The following VPS13D variants were observed in gnomAD, a reference collection of about 807,000 sequenced individuals.
VPS13D encodes the protein intermembrane lipid transfer protein VPS13D.
VPS13D carries 187 observed loss-of-function variants against 461.9 expected under a neutral mutation model. That is an observed-to-expected ratio of 0.40 (90% CI 0.36 to 0.46). The LOEUF (loss-of-function observed/expected upper bound fraction) is 0.46, where lower values mean the gene tolerates loss of function less well. VPS13D is among the 20% of genes least tolerant of loss of function. The probability of loss-of-function intolerance (pLI) is 0.60; values close to 1 mark genes in which losing one functional copy is unlikely to be tolerated. For synonymous variants in VPS13D, 1,951 were observed against 1,986.3 expected (o/e 0.98, Z 0.47); for missense variants, 4,711 against 5,364.9 (o/e 0.88, Z 3.81).
chr1:12,335,046 A>G (rs1415276947), intron 38 of VPS13D, among the ~76,000 whole-genome samples: 1 of 152,210 alleles, frequency 6.6e-6, no homozygotes, highest in Non-Finnish European at 1.5e-5. Context: ...TTAACCTGCT[A>G]TCCCCATTGT....
In VPS13D at chr1:12,507,842, C is replaced by A. The variant is rs536549596; in HGVS notation, c.13035+749C>A. Among the ~76,000 whole-genome samples the A allele has an allele frequency of 1.1e-4, 17 of 152,384 alleles. No individual in the cohort carries two copies. In the South Asian group the frequency reaches 2.1e-3, roughly 19 times the overall value. ...CGGATCTGTCTCTGGCCAGTCGGCC[C>A]TGGAGGCTTGCCATGACACCCAGGT... is the stretch of plus-strand genomic sequence containing the variant. On this transcript the variant is annotated intron_variant, in intron 69 of 69. Coordinates refer to ENST00000620676, the MANE Select transcript of VPS13D (RefSeq NM_015378.4). The surrounding 1 kb of genome is among the most constrained non-coding windows in gnomAD (Gnocchi z 5.3).
At chr1:12,459,808 T>G (rs1171856914) in intron 66 of VPS13D, among the ~76,000 whole-genome samples, 1 of 152,150 alleles carries the variant, frequency 6.6e-6, no homozygotes, top group Non-Finnish European at 1.5e-5. Flanking sequence ...TGCCATCATC[T>G]TCAAACTTTC....
chr1:12,254,126 C>G (rs1165102375), intron 7 of VPS13D, among the ~76,000 whole-genome samples: 7 of 152,224 alleles, frequency 4.6e-5, no homozygotes, highest in Non-Finnish European at 7.3e-5. Context: ...ACTTCCAATT[C>G]ATTGCTCTGA....
intron 14 of VPS13D, among the ~76,000 whole-genome samples, chr1:12,267,532 C>T (rs992349179): frequency 6.6e-6 from 1 of 151,882 alleles, no homozygotes; most frequent in African/African-American, 2.4e-5. Flanking sequence ...GTTGGGGGAA[C>T]GTTATGGAGA....
chr1:12,359,068 T>C (rs967887464), intron 50 of VPS13D, among the ~76,000 whole-genome samples: 9 of 152,012 alleles, frequency 5.9e-5, no homozygotes, highest in Non-Finnish European at 1.2e-4. Context: ...AGGATCAGGA[T>C]TGGGGGATAC....
intron 63 of VPS13D, among the ~76,000 whole-genome samples, chr1:12,410,915 C>T (rs1644718407): frequency 6.6e-6 from 1 of 152,162 alleles, no homozygotes. Flanking sequence ...ACTTTAACAT[C>T]CATCTACAGT....
intron 57 of VPS13D, among the ~76,000 whole-genome samples, chr1:12,379,838 G>A (rs554698542): frequency 5.3e-5 from 8 of 150,988 alleles, no homozygotes; most frequent in East Asian, 3.9e-4. Flanking sequence ...GCACAATCTC[G>A]GCTCACTGCA....
chr1:12,429,775 T>G (rs988715505), intron 65 of VPS13D, among the ~76,000 whole-genome samples: 5 of 152,190 alleles, frequency 3.3e-5, no homozygotes, highest in Admixed American at 6.5e-5. Context: ...CAGCAAGCGC[T>G]TAGCAGATAC....
At chr1:12,369,830 T>G (rs1644092108) in intron 54 of VPS13D, 128 bp downstream of exon 54, 2 of 836,618 alleles carry the variant, frequency 2.4e-6, no homozygotes, top group Non-Finnish European at 1.8e-6. Context: ...TACCAAACCC[T>G]GGGCTCAGTG....
At chr1:12,485,898 C>A (rs938488870) in intron 67 of VPS13D, among the ~76,000 whole-genome samples, 2 of 152,046 alleles carry the variant, frequency 1.3e-5, no homozygotes, top group African/African-American at 4.8e-5. Context: ...AGAAATGTAC[C>A]CCTTGTAGAG....
intron 21 of VPS13D, among the ~76,000 whole-genome samples, chr1:12,284,119 T>C (rs972187262): frequency 6.6e-6 from 1 of 152,216 alleles, no homozygotes; most frequent in African/African-American, 2.4e-5. Flanking sequence ...GTGGCTTTTG[T>C]TTCTGTCTCC....
intron 68 of VPS13D, among the ~76,000 whole-genome samples, chr1:12,504,785 A>G (rs925946610): frequency 6.6e-6 from 1 of 152,134 alleles, no homozygotes; most frequent in African/African-American, 2.4e-5. Context: ...CTTGGAAAAG[A>G]GTCTGTTTGA....
rs1326695987 is a variant in VPS13D at position 12,299,824 on chromosome 1, C to G, written c.6216+440C>G. Among the ~76,000 whole-genome samples the G allele has an allele frequency of 6.6e-6, 1 of 151,304 alleles. No individual in the cohort carries two copies. The highest frequency in any genetic ancestry group is 1.5e-5 in the Non-Finnish European group (1 of 67,944). On this transcript the variant is annotated intron_variant, in intron 25 of 69. Transcript: ENST00000620676. This position sits in a 1 kb window ranked among gnomAD's most constrained non-coding sequence, Gnocchi z 4.2. ...GAGGACGTGATTGGCCCGTGGTTTA[C>G]TTGAAGCCATTTAAAAATGTCTTAA... is the stretch of plus-strand genomic sequence containing the variant.
intron 60 of VPS13D, among the ~76,000 whole-genome samples, chr1:12,387,564 T>C (rs1644365591): frequency 6.6e-6 from 1 of 151,730 alleles, no homozygotes; most frequent in Non-Finnish European, 1.5e-5. Context: ...GTAGGGAGAC[T>C]AATTGGTCAA....
Position 12,287,885 on chromosome 1 carries a change from C to T in VPS13D, c.5635-338C>T, listed in dbSNP as rs373098317. On this transcript the variant is annotated intron_variant, in intron 21 of 69. Transcript: ENST00000620676. ...TTTATCAAAATGAGATTTAATGGAT[C>T]TGTTTGAGTTACTATAGAATTGTAT... is the stretch of plus-strand genomic sequence containing the variant. 2.6e-4 allele frequency among the ~76,000 whole-genome samples: 40 copies of T among 152,188 alleles called. 3 individuals carry two copies. Among genetic ancestry groups the T allele is most frequent in the Admixed American group, 2.1e-3 (32 of 15,290 alleles).
chr1:12,375,621 C>G (rs916935701), intron 55 of VPS13D, among the ~76,000 whole-genome samples: 8 of 152,210 alleles, frequency 5.3e-5, no homozygotes, highest in Non-Finnish European at 1.0e-4. Flanking sequence ...TATGAACACC[C>G]TGGTTTCTTC....
At chr1:12,310,915 C>CCTTCCCTT (rs1642729629) in intron 27 of VPS13D, among the ~76,000 whole-genome samples, 1 of 148,666 alleles carries the variant, frequency 6.7e-6, no homozygotes, top group Non-Finnish European at 1.5e-5. Context: ...CTCCTTCCCT[C>CCTTCCCTT]CCTCTCTCCC....
chr1:12,431,606 C>CTAAG (rs1644992966), intron 65 of VPS13D, among the ~76,000 whole-genome samples: 1 of 151,812 alleles, frequency 6.6e-6, no homozygotes, highest in Non-Finnish European at 1.5e-5. Context: ...GTCTCCCATA[C>CTAAG]TATACTGAGT....
rs914814895 is a variant in VPS13D at position 12,349,312 on chromosome 1, A to G, written c.9369A>G (p.Ala3123=). The part of the protein sequence containing the change: ...PIHWTNVVKT[A]EISSSKRECH... ...ATTGGACCAATGTAGTGAAGACTGC[A>G]GAAATTAGTAGCAGTAAACGAGAGT... The change falls in exon 46 of 70, where the codon GCA becomes GCG. Residue 3123 remains alanine, a synonymous_variant. Transcript: ENST00000620676. 9.3e-6 allele frequency: 15 copies of G among 1,614,082 alleles called. No homozygotes were observed. Among genetic ancestry groups the G allele is most frequent in the Non-Finnish European group, 1.3e-5 (15 of 1,180,048 alleles).
Sources: allele counts gnomAD v4.1 joint callset (sites outside exome capture counted in the v4.1 genomes callset), GRCh38; gene constraint gnomAD v4.1.1; non-coding constraint Gnocchi (gnomAD v3.1); transcripts MANE v1.5; gene names NCBI Gene and HGNC (gene_info 2026-07-23, HGNC 2026-07-21).